The following CSPG4 variants were observed in gnomAD, a reference collection of about 807,000 sequenced individuals.
CSPG4 encodes the protein chondroitin sulfate proteoglycan 4.
A neutral mutation model predicts 139.3 loss-of-function variants in CSPG4; 74 were observed. The ratio of observed to expected loss-of-function variants is 0.53; its 90% confidence interval spans 0.44 to 0.64. The LOEUF (loss-of-function observed/expected upper bound fraction) is 0.64, where lower values mean the gene tolerates loss of function less well. CSPG4 is among the 30% of genes least tolerant of loss of function. The pLI is 0.00. For synonymous variants in CSPG4, 1,234 were observed against 1,394.2 expected, an observed-to-expected ratio of 0.89 and a Z score of 2.56; for missense variants, 2,565 against 3,148.3, an observed-to-expected ratio of 0.81 and a Z score of 4.43.
chr15:75,689,712 A>G lies in CSPG4; in HGVS notation c.1353T>C (p.His451=), dbSNP rs200567906. 6.1e-3 allele frequency: 9,880 copies of G among 1,606,516 alleles called. 66 individuals are homozygous for G. The highest frequency in any genetic ancestry group is 0.027 in the South Asian group (2,476 of 90,322). The change falls in exon 3 of 10, where the codon CAT becomes CAC. Residue 451 remains histidine (H), a synonymous_variant. Transcript: ENST00000308508. ...CCATCAGGTCCAGCGTGGGCTGCAC[A>G]TGCCTCCACTCAAGCCAGGCTGTGC... ...EGGTAWLEWR[H]VQPTLDLMEA...
intron 3 of CSPG4, among the ~76,000 whole-genome samples, chr15:75,686,394 A>AC (rs1219469226): frequency 1.3e-5 from 2 of 151,318 alleles, no homozygotes; most frequent in African/African-American, 2.4e-5. Context: ...GCCCCGCCCC[A>AC]CCCCTCCTGG....
In CSPG4 at chr15:75,690,087, C is replaced by T. The variant is rs7182906; in HGVS notation, c.978G>A (p.Gly326=). ...GGTGACGAGAGGCCTCTGCATCCAG[C>T]CCCCCGAGAAGGAGACTGCCCCGTG... ...LEPRGSLLLG[G]LDAEASRHLQ... is the part of the protein sequence containing the mutation. The change falls in exon 3 of 10, where the codon GGG becomes GGA. Residue 326 remains glycine, a synonymous_variant. Transcript: ENST00000308508. 614,994 of 1,600,522 alleles carry T rather than the reference C, an allele frequency of 0.38. 119,858 individuals carry two copies. The highest frequency in any genetic ancestry group is 0.41 in the Non-Finnish European group (485,394 of 1,176,690).
At chr15:75,700,502 G>A (rs1414000912) in intron 1 of CSPG4, among the ~76,000 whole-genome samples, 5 of 152,134 alleles carry the variant, frequency 3.3e-5, no homozygotes, top group African/African-American at 1.2e-4. Flanking sequence ...AGGGGCTGGC[G>A]GGGGATGACT....
At chr15:75,683,292 T>C (rs11634497) in intron 5 of CSPG4, among the ~76,000 whole-genome samples, 69,411 of 141,888 alleles carry the variant, frequency 0.49, 16,172 homozygotes, top group Middle Eastern at 0.57. Context: ...CCTAGTCCTG[T>C]GTGTCCCTCA....
chr15:75,677,634 G>T, intron 9 of CSPG4, 69 bp downstream of exon 9: 1 of 1,490,300 alleles, frequency 6.7e-7, no homozygotes, highest in Non-Finnish European at 9.0e-7. Flanking sequence ...CCCTGGCCTC[G>T]TGTCCCCTCC....
At chr15:75,682,173 C>G in intron 8 of CSPG4, 120 bp downstream of exon 8, 3 of 1,303,646 alleles carry the variant, frequency 2.3e-6, no homozygotes, top group Non-Finnish European at 2.2e-6. Flanking sequence ...AATGGCAGGC[C>G]CGGGAACGTC....
rs201743959 is a variant in CSPG4 at position 75,687,400 on chromosome 15, G to A, written c.3665C>T (p.Thr1222Met). The change falls in exon 3 of 10, where the codon ACG becomes ATG. Residue 1222 changes from threonine (T) to methionine (M), a missense_variant. Thr to Met is a moderately conservative substitution (Grantham distance 81). This residue lies in a region of CSPG4 where 2,316 missense variants were observed against 2,818.2 expected (regional missense o/e 0.82). Transcript: ENST00000308508. The surrounding 1 kb of genome is among the most constrained non-coding windows in gnomAD (Gnocchi z 5.4). Reference protein sequence around the residue: ...AFSVEAGPVHTDATLQVTIAL... With the variant: ...AFSVEAGPVHMDATLQVTIAL... ...AATGGTCACTTGTAGGGTGGCATCC[G>A]TGTGCACTGGCCCTGCTTCCACGGA... 3.2e-5 allele frequency: 52 copies of A among 1,612,890 alleles called. No individual in the cohort carries two copies. The highest frequency in any genetic ancestry group is 4.0e-5 in the Non-Finnish European group (47 of 1,180,026).
rs1893893629 is a variant in CSPG4 at position 75,676,459 on chromosome 15, AGAG to A, written c.6057_6059del (p.Ser2020del). ...GTGCCAGGACTCTGAAGTGGTCATG[AGAG>A]GAGGAGAAGTTGGTGAAGGCAAAGA... On this transcript the variant is annotated inframe_deletion, in exon 10 of 10. Coordinates refer to ENST00000308508, the MANE Select transcript of CSPG4 (RefSeq NM_001897.5). 3.1e-6 allele frequency: 5 copies of A among 1,613,850 alleles called. No individual in the cohort carries two copies. Among genetic ancestry groups the A allele is most frequent in the Non-Finnish European group, 4.2e-6 (5 of 1,180,018 alleles).
chr15:75,685,029 G>A, intron 4 of CSPG4, 117 bp from the exon 5 acceptor site: 1 of 1,279,632 alleles, frequency 7.8e-7, no homozygotes. Context: ...TAGAAAATGG[G>A]GACCATAAGT....
At chr15:75,692,275 C>T (rs1596010364) in intron 2 of CSPG4, among the ~76,000 whole-genome samples, 2 of 152,192 alleles carry the variant, frequency 1.3e-5, no homozygotes, top group Admixed American at 6.5e-5. Flanking sequence ...TGAGCCACCG[C>T]GTCCGGTTAT....
At position 75,675,835 on chromosome 15, in the gene CSPG4, G is replaced by A. The variant is rs1167793068; in HGVS notation, c.6684C>T (p.Pro2228=). 3.1e-6 allele frequency: 5 copies of A among 1,612,320 alleles called. No individual in the cohort carries two copies. The highest frequency in any genetic ancestry group is 2.5e-6 in the Non-Finnish European group (3 of 1,180,026). The change falls in exon 10 of 10, where the codon CCC becomes CCT. Residue 2228 remains proline (P), a synonymous_variant. Transcript: ENST00000308508. ...LEANMFSVII[P]MCLVLLLLAL... is the part of the protein sequence containing the mutation. ...CCAGGAGCAGAAGTACCAGGCACAT[G>A]GGGATGATGACGCTGAACATGTTGG...
In CSPG4 at chr15:75,675,652, C is replaced by A; in HGVS notation, c.6867G>T (p.Val2289=). Reference sequence around the variant, plus strand: ...CTCCTGGAGGGGGCCCCTGGCCAGGCACAGCTGTGAGCGGGATGGCCTGGC... The same window carrying A: ...CTCCTGGAGGGGGCCCCTGGCCAGGAACAGCTGTGAGCGGGATGGCCTGGC... ...EPGQAIPLTA[V]PGQGPPPGGQ... The change falls in exon 10 of 10, where the codon GTG becomes GTT. Residue 2289 remains valine, a synonymous_variant. Transcript: ENST00000308508. The A allele has an allele frequency of 1.3e-6, 2 of 1,528,814 alleles. No individual in the cohort carries two copies. Among genetic ancestry groups the A allele is most frequent in the South Asian group, 1.3e-5 (1 of 77,668 alleles). The allele number at this position is 1,528,814 out of a possible 1,614,324, so 94.7% of individuals were successfully genotyped here. A position where few individuals can be genotyped will look rare whatever the true frequency, so the allele number is the denominator to read the frequency against.
At chr15:75,707,234 G>C (rs1393981875) in intron 1 of CSPG4, among the ~76,000 whole-genome samples, 1 of 152,134 alleles carries the variant, frequency 6.6e-6, no homozygotes, top group Non-Finnish European at 1.5e-5. Flanking sequence ...TGGGATTACA[G>C]GCGTGAGCCA....
At chr15:75,685,938 A>G (rs1050144767) in intron 3 of CSPG4, among the ~76,000 whole-genome samples, 3 of 152,142 alleles carry the variant, frequency 2.0e-5, no homozygotes, top group Non-Finnish European at 2.9e-5. Flanking sequence ...CCCAGGCTGG[A>G]GTGCAGTGGT....
At position 75,698,592 on chromosome 15, in the gene CSPG4, C is replaced by T. The variant is rs887766103; in HGVS notation, c.89-5359G>A. Among the ~76,000 whole-genome samples the T allele has an allele frequency of 1.3e-5, 2 of 152,100 alleles. No homozygotes were observed. The highest frequency in any genetic ancestry group is 2.9e-5 in the Non-Finnish European group (2 of 67,988). On this transcript the variant is annotated intron_variant, in intron 1 of 9. Transcript: ENST00000308508. This position sits in a 1 kb window ranked among gnomAD's most constrained non-coding sequence, Gnocchi z 4.3. Reference sequence around the variant, plus strand: ...TCACATGTACACACGTGTGTGGCGGCAAGGCAGGCGAGGAAGGGGTGCGCT... The same window carrying T: ...TCACATGTACACACGTGTGTGGCGGTAAGGCAGGCGAGGAAGGGGTGCGCT...
chr15:75,677,312 C>T lies in CSPG4; in HGVS notation c.5207G>A (p.Ser1736Asn). ...CTCTGAGCGCTGGGGTGATGGAACG[C>T]TGGCCAAGAGATTGGAGGCATCCAG... ...AALDASNLLA[S>N]VPSPQRSEHD... Residue 1736 changes from serine to asparagine, a missense_variant, in exon 10 of 10, where the codon AGC becomes AAC. Ser to Asn is a conservative substitution (Grantham distance 46). Transcript: ENST00000308508. 1 of 1,431,768 alleles carries T rather than the reference C, an allele frequency of 7.0e-7. No individual in the cohort carries two copies. The highest frequency in any genetic ancestry group is 9.2e-7 in the Non-Finnish European group (1 of 1,088,284). 88.7% of individuals were successfully genotyped at this position (1,431,768 alleles called of 1,614,324 possible).
In CSPG4 at chr15:75,685,584, C is replaced by A. The variant is rs1392162279; in HGVS notation, c.3907G>T (p.Asp1303Tyr). 5.6e-6 allele frequency: 9 copies of A among 1,609,448 alleles called. No homozygotes were observed. The African/African-American group carries it at 6.7e-5, about 12-fold the overall frequency. The change falls in exon 4 of 10, where the codon GAC (aspartate) becomes TAC (tyrosine). Residue 1303 changes from aspartate to tyrosine, a missense_variant. By Grantham distance (160) the Asp-to-Tyr change is radical. Coordinates refer to ENST00000308508, the MANE Select transcript of CSPG4 (RefSeq NM_001897.5). Reference sequence around the variant, plus strand: ...TCCTGGGAGAAGCTCTGCACAGGGTCCAGGCTGGGTGGCTCATCTGCCAAG... The same window carrying A: ...TCCTGGGAGAAGCTCTGCACAGGGTACAGGCTGGGTGGCTCATCTGCCAAG... ...GALADEPPSL[D>Y]PVQSFSQEAV...
At chr15:75,711,987 C>T (rs1894452714) in intron 1 of CSPG4, among the ~76,000 whole-genome samples, 1 of 151,306 alleles carries the variant, frequency 6.6e-6, no homozygotes, top group South Asian at 2.1e-4. Flanking sequence ...GTAGGACAAG[C>T]CCCGCTGAGG....
chr15:75,682,457 AC>A lies in CSPG4; in HGVS notation c.4785del (p.Ser1596ProfsTer33), dbSNP rs1188633030. 5 of 1,578,484 alleles carry A rather than the reference AC, an allele frequency of 3.2e-6. No individual in the cohort carries two copies. The highest frequency in any genetic ancestry group is 4.3e-6 in the Non-Finnish European group (5 of 1,167,986). The part of the protein sequence containing the change: ...KGSQTLTVCP[G>X]SVQPLSSQTL... The stretch of plus-strand genomic sequence containing the variant: ...GTCTGACTGCTGAGTGGCTGGACGG[AC>A]CCTGCCAGAGGCAAAAGGGGATATC... On this transcript the variant is annotated frameshift_variant and splice_region_variant, in exon 8 of 10. Coordinates refer to ENST00000308508, the MANE Select transcript of CSPG4 (RefSeq NM_001897.5). LOFTEE classifies it high-confidence loss of function.
Sources: allele counts gnomAD v4.1 joint callset (sites outside exome capture counted in the v4.1 genomes callset), GRCh38; gene constraint gnomAD v4.1.1; regional missense constraint gnomAD v4.1.1; non-coding constraint Gnocchi (gnomAD v3.1); transcripts MANE v1.5; gene names NCBI Gene and HGNC (gene_info 2026-07-23, HGNC 2026-07-21).